The following CDYL variants were observed in gnomAD, a reference collection of about 807,000 sequenced individuals.
The protein encoded by CDYL is chromodomain Y-like protein.
A neutral mutation model predicts 47.3 loss-of-function variants in CDYL; 8 were observed. The ratio of observed to expected loss-of-function variants is 0.17; its 90% CI spans 0.10 to 0.31. CDYL has a LOEUF of 0.31. CDYL is among the 10% of genes least tolerant of loss of function. CDYL has a pLI of 1.00. For missense variants in CDYL, 471 were observed against 701.4 expected, an observed-to-expected ratio of 0.67 and a Z score of 3.71; for synonymous variants, 266 against 265.0, an observed-to-expected ratio of 1.00 and a Z score of -0.04.
At chr6:4,938,906 C>G (rs537657309) in intron 4 of CDYL, among the ~76,000 whole-genome samples, 16 of 152,274 alleles carry the variant, frequency 1.1e-4, no homozygotes, top group Admixed American at 1.0e-3. Context: ...ATGCTAATCA[C>G]TCCATGTATA....
chr6:4,846,701 A>G (rs780046787), intron 1 of CDYL, among the ~76,000 whole-genome samples: 3 of 152,230 alleles, frequency 2.0e-5, no homozygotes, highest in Non-Finnish European at 4.4e-5. Flanking sequence ...GAAGCAAGAC[A>G]TAGAAAAAAT....
chr6:4,902,260 G>T (rs1757084992), intron 2 of CDYL, among the ~76,000 whole-genome samples: 1 of 151,846 alleles, frequency 6.6e-6, no homozygotes, highest in Non-Finnish European at 1.5e-5. Flanking sequence ...TACAAAATTA[G>T]CCGGGCGTGG....
chr6:4,886,366 C>T (rs1463972216), intron 1 of CDYL, among the ~76,000 whole-genome samples: 1 of 152,164 alleles, frequency 6.6e-6, no homozygotes, highest in Non-Finnish European at 1.5e-5. Flanking sequence ...CATGACAGTT[C>T]CCATTCCTTT....
chr6:4,916,607 G>T (rs1316729321), intron 2 of CDYL, among the ~76,000 whole-genome samples: 2 of 2,786 alleles, frequency 7.2e-4, no homozygotes, highest in South Asian at 0.011. Flanking sequence ...CAGATGTATC[G>T]GGGGGGGGCG....
chr6:4,713,420 CT>C (rs773987073), intron 1 of CDYL, among the ~76,000 whole-genome samples: 2 of 152,168 alleles, frequency 1.3e-5, no homozygotes, highest in Non-Finnish European at 2.9e-5. Context: ...CCGCTCTGCT[CT>C]TTGTCAGGGC....
At position 4,786,450 on chromosome 6, in the gene CDYL, C is replaced by T. The variant is rs990214986; in HGVS notation, c.24+9643C>T. ...ACTGTGTTACCTTCCATAATGATGC[C>T]GGGTAAAGGAGGCATTAGCTGATCT... On this transcript the variant is annotated intron_variant, in intron 1 of 6. Coordinates refer to ENST00000397588, the MANE Select transcript of CDYL (RefSeq NM_004824.4). Among the ~76,000 whole-genome samples, 8 of 151,946 alleles carry T rather than the reference C, an allele frequency of 5.3e-5. No individual in the cohort carries two copies. The East Asian group carries it at 7.7e-4, about 15-fold the overall frequency.
At chr6:4,813,923 C>G (rs1759597853) in intron 1 of CDYL, among the ~76,000 whole-genome samples, 1 of 144,024 alleles carries the variant, frequency 6.9e-6, no homozygotes, top group South Asian at 2.3e-4. Context: ...AAGTGTGCCA[C>G]TATGCCTGGC....
At chr6:4,944,381 G>A (rs1758450529) in intron 5 of CDYL, among the ~76,000 whole-genome samples, 1 of 152,212 alleles carries the variant, frequency 6.6e-6, no homozygotes, top group African/African-American at 2.4e-5. Flanking sequence ...ACCGCACAGA[G>A]GAAGAGGTCA....
chr6:4,849,567 TCTTA>T (rs143881031), intron 1 of CDYL, among the ~76,000 whole-genome samples: 12,199 of 152,136 alleles, frequency 0.08, 589 homozygotes, highest in South Asian at 0.12. Flanking sequence ...AAATAAGTGC[TCTTA>T]CTTTCTTTCT....
chr6:4,953,999 G>A lies in CDYL; in HGVS notation c.1578G>A (p.Ser526=), dbSNP rs368701057. ...AGGTGCTGAAGAAAATCTGGGGCTC[G>A]GCCCAGGGGATGGACTCCATGTTAA... ...ECEVLKKIWG[S]AQGMDSMLKY... The change falls in exon 7 of 7, where the codon TCG becomes TCA. Residue 526 remains serine (S), a synonymous_variant. Transcript: ENST00000397588. 3.3e-5 allele frequency: 54 copies of A among 1,614,072 alleles called. No individual in the cohort carries two copies. The highest frequency in any genetic ancestry group is 3.3e-4 in the Middle Eastern group (2 of 6,062).
At chr6:4,855,611 T>C (rs945198646) in intron 1 of CDYL, among the ~76,000 whole-genome samples, 1 of 152,204 alleles carries the variant, frequency 6.6e-6, no homozygotes, top group Admixed American at 6.5e-5. Context: ...GAATCACAAA[T>C]TCATCTGAAA....
intron 2 of CDYL, among the ~76,000 whole-genome samples, chr6:4,717,763 G>A (rs1448360320): frequency 7.4e-6 from 1 of 134,538 alleles, no homozygotes; most frequent in Non-Finnish European, 1.6e-5. Flanking sequence ...AGGGATTTTT[G>A]TTGTTTTGTT....
At chr6:4,854,984 T>TA (rs1760963393) in intron 1 of CDYL, among the ~76,000 whole-genome samples, 1 of 152,194 alleles carries the variant, frequency 6.6e-6, no homozygotes, top group African/African-American at 2.4e-5. Context: ...AATTATGAAA[T>TA]ATATGAATAG....
chr6:4,793,260 C>T (rs1737773889), intron 1 of CDYL, among the ~76,000 whole-genome samples: 1 of 152,166 alleles, frequency 6.6e-6, no homozygotes, highest in African/African-American at 2.4e-5. Context: ...TAGCAGCGGG[C>T]ATGACCGCTC....
chr6:4,894,262 C>G (rs1056633515), intron 2 of CDYL, among the ~76,000 whole-genome samples: 7 of 152,094 alleles, frequency 4.6e-5, no homozygotes, highest in Non-Finnish European at 1.0e-4. Context: ...GGCGTTCTTC[C>G]CAGCATTGCT....
intron 5 of CDYL, among the ~76,000 whole-genome samples, chr6:4,950,606 C>T (rs187086106): frequency 2.8e-4 from 43 of 152,244 alleles, no homozygotes; most frequent in Admixed American, 1.5e-3. Context: ...AGAAGAAGCT[C>T]GTCAGTTCAG....
At chr6:4,858,491 A>G (rs1761075615) in intron 1 of CDYL, among the ~76,000 whole-genome samples, 1 of 152,224 alleles carries the variant, frequency 6.6e-6, no homozygotes, top group African/African-American at 2.4e-5. Context: ...TGGATGAGCA[A>G]ACCAGAGCTC....
At chr6:4,795,695 G>A (rs1323413951) in intron 1 of CDYL, among the ~76,000 whole-genome samples, 3 of 150,046 alleles carry the variant, frequency 2.0e-5, no homozygotes, top group Non-Finnish European at 4.4e-5. Context: ...TCTCTTAGAG[G>A]TATTTCTTTT....
chr6:4,904,335 T>C (rs1757162811), intron 2 of CDYL, among the ~76,000 whole-genome samples: 1 of 152,270 alleles, frequency 6.6e-6, no homozygotes, highest in Non-Finnish European at 1.5e-5. Flanking sequence ...GATATGGACC[T>C]GATGTAATTG....
Sources: gnomAD v4.1 joint callset for allele counts (sites outside exome capture counted in the v4.1 genomes callset) on GRCh38, gnomAD v4.1.1 for gene constraint, MANE v1.5 for transcripts, NCBI Gene and HGNC (gene_info 2026-07-23, HGNC 2026-07-21) for gene names.